The following ARHGEF10L variants were observed in gnomAD, a reference collection of about 807,000 sequenced individuals.
The protein encoded by ARHGEF10L is rho guanine nucleotide exchange factor 10-like protein.
ARHGEF10L carries 69 observed loss-of-function variants against 141.2 expected under a neutral mutation model. That is an observed-to-expected ratio of 0.49 (90% CI 0.40 to 0.60). The LOEUF (loss-of-function observed/expected upper bound fraction) is 0.60. ARHGEF10L is among the 20% of genes least tolerant of loss of function. ARHGEF10L has a pLI of 0.00. For missense variants in ARHGEF10L, 1,482 were observed against 1,734.3 expected (o/e 0.85, Z 2.58); for synonymous variants, 711 against 718.5 (o/e 0.99, Z 0.17).
chr1:17,591,701 C>A (rs900486170), intron 4 of ARHGEF10L, among the ~76,000 whole-genome samples: 2 of 151,796 alleles, frequency 1.3e-5, no homozygotes, highest in Non-Finnish European at 2.9e-5. Context: ...CGTGAGCCAC[C>A]GCGCCTGGCC....
intron 18 of ARHGEF10L, among the ~76,000 whole-genome samples, chr1:17,635,465 G>A (rs1432486263): frequency 6.6e-6 from 1 of 152,086 alleles, no homozygotes; most frequent in Non-Finnish European, 1.5e-5. Context: ...ACCTCCCTCT[G>A]CCCCTTCTCT....
intron 9 of ARHGEF10L, chr1:17,618,421 C>T: frequency 3.3e-6 from 5 of 1,533,294 alleles, no homozygotes; most frequent in Non-Finnish European, 4.4e-6. Context: ...CGGAGTGATG[C>T]CCGGGGCGTG....
At chr1:17,691,248 G>A (rs1389321061) in intron 27 of ARHGEF10L, 1 of 392,832 alleles carries the variant, frequency 2.5e-6, no homozygotes, top group Non-Finnish European at 4.9e-6. Flanking sequence ...TTCACCATTA[G>A]AATTTTTTTT....
chr1:17,598,582 AC>A (rs982003261), intron 4 of ARHGEF10L, among the ~76,000 whole-genome samples: 3 of 152,150 alleles, frequency 2.0e-5, no homozygotes, highest in African/African-American at 7.2e-5. Context: ...ACTAATCCCA[AC>A]CATGGGGGCT....
chr1:17,600,117 T>A (rs1484064095), intron 4 of ARHGEF10L, among the ~76,000 whole-genome samples: 1 of 152,206 alleles, frequency 6.6e-6, no homozygotes, highest in Non-Finnish European at 1.5e-5. Flanking sequence ...CAGAGTGATC[T>A]TGGGCAGGTT....
At chr1:17,551,532 T>C (rs1282730202) in intron 1 of ARHGEF10L, among the ~76,000 whole-genome samples, 4 of 152,134 alleles carry the variant, frequency 2.6e-5, no homozygotes, top group Admixed American at 2.6e-4. Context: ...GGGCTTGTAC[T>C]TTATCTTGTG....
intron 26 of ARHGEF10L, among the ~76,000 whole-genome samples, chr1:17,669,044 G>T (rs1316663733): frequency 1.3e-5 from 2 of 152,228 alleles, no homozygotes; most frequent in Admixed American, 6.5e-5. Flanking sequence ...TGTGCCTAGG[G>T]CTCAGCATCT....
At chr1:17,685,794 G>T (rs1049158435) in intron 26 of ARHGEF10L, among the ~76,000 whole-genome samples, 1 of 152,198 alleles carries the variant, frequency 6.6e-6, no homozygotes, top group Non-Finnish European at 1.5e-5. Flanking sequence ...TCATAGCAGC[G>T]TGTACTTACA....
chr1:17,591,643 C>T (rs2079555386), intron 4 of ARHGEF10L, among the ~76,000 whole-genome samples: 1 of 152,074 alleles, frequency 6.6e-6, no homozygotes, highest in Non-Finnish European at 1.5e-5. Context: ...AGCTCCTGAC[C>T]TCAGGTGATC....
At chr1:17,631,475 T>G (rs953292169) in intron 15 of ARHGEF10L, among the ~76,000 whole-genome samples, 3 of 152,166 alleles carry the variant, frequency 2.0e-5, no homozygotes, top group African/African-American at 7.2e-5. Flanking sequence ...TGAGGCCACC[T>G]AAGAGGCGAG....
intron 4 of ARHGEF10L, among the ~76,000 whole-genome samples, chr1:17,599,694 G>A (rs2080457464): frequency 6.6e-6 from 1 of 152,106 alleles, no homozygotes; most frequent in Non-Finnish European, 1.5e-5. Context: ...TTTACTTCCT[G>A]TCATTGGTGG....
chr1:17,639,156 C>T lies in ARHGEF10L; in HGVS notation c.2171+467C>T, dbSNP rs960906100. Among the ~76,000 whole-genome samples the T allele has an allele frequency of 1.3e-5, 2 of 152,318 alleles. No homozygotes were observed. Among genetic ancestry groups the T allele is most frequent in the South Asian group, 4.1e-4 (2 of 4,822 alleles). On this transcript the variant is annotated intron_variant, in intron 20 of 28. Coordinates refer to ENST00000361221, the MANE Select transcript of ARHGEF10L (RefSeq NM_018125.4). This position sits in a 1 kb window ranked among gnomAD's most constrained non-coding sequence, Gnocchi z 4.3. Reference sequence around the variant, plus strand: ...GGAACTGATGACAGCCATAGCTGCTCGGCCTGGCAGAGACAGGGAACGGGA... The same window carrying T: ...GGAACTGATGACAGCCATAGCTGCTTGGCCTGGCAGAGACAGGGAACGGGA...
chr1:17,626,039 C>T lies in ARHGEF10L; in HGVS notation c.1401C>T (p.Leu467=). 4.3e-6 allele frequency: 7 copies of T among 1,613,918 alleles called. No individual in the cohort carries two copies. Among genetic ancestry groups the T allele is most frequent in the Non-Finnish European group, 5.9e-6 (7 of 1,179,838 alleles). Residue 467 remains leucine (L), a synonymous_variant, in exon 14 of 29, where the codon CTC becomes CTT. Coordinates refer to ENST00000361221, the MANE Select transcript of ARHGEF10L (RefSeq NM_018125.4). ...KPIQRFPQFI[L]LLQDMLKNTP... ...TCCAGAGGTTCCCACAGTTCATACT[C>T]CTGCTTCAGGTACTGCTCAGGATTC...
At position 17,697,767 on chromosome 1, in the gene ARHGEF10L, TATAA is replaced by T. The variant is rs766846260; in HGVS notation, c.*392_*395del. 5.1e-5 allele frequency: 22 copies of T among 433,814 alleles called. No homozygotes were observed. Among genetic ancestry groups the T allele is most frequent in the Non-Finnish European group, 8.3e-5 (18 of 217,554 alleles). 26.9% of individuals were successfully genotyped at this position (433,814 alleles called of 1,614,324 possible). A position where few individuals can be genotyped will look rare whatever the true frequency, so the allele number is the denominator to read the frequency against. The stretch of plus-strand genomic sequence containing the variant: ...GTGTGTGGGCTGGTGTGTGAATATC[TATAA>T]ATAAGTATATATGGTGTATATTATA... On this transcript the variant is annotated 3_prime_UTR_variant, in exon 29 of 29. Coordinates refer to ENST00000361221, the MANE Select transcript of ARHGEF10L (RefSeq NM_018125.4). This position sits in a 1 kb window ranked among gnomAD's most constrained non-coding sequence, Gnocchi z 4.8.
chr1:17,633,247 G>C (rs1296225977), intron 16 of ARHGEF10L, among the ~76,000 whole-genome samples: 1 of 152,154 alleles, frequency 6.6e-6, no homozygotes, highest in Non-Finnish European at 1.5e-5. Flanking sequence ...GTCCTGCAGG[G>C]GACCCTGTAT....
chr1:17,570,478 G>C (rs11588659), intron 1 of ARHGEF10L, among the ~76,000 whole-genome samples: 1 of 152,028 alleles, frequency 6.6e-6, no homozygotes, highest in Non-Finnish European at 1.5e-5. Flanking sequence ...GGCATTCAGG[G>C]AGCTGGAAGG....
chr1:17,568,867 G>T lies in ARHGEF10L; in HGVS notation c.-43-11686G>T, dbSNP rs187882851. Among the ~76,000 whole-genome samples the T allele has an allele frequency of 8.3e-4, 126 of 152,238 alleles. 1 individual carries two copies. In the Middle Eastern group the frequency reaches 0.041, roughly 49 times the overall value. ...AGGACTCAGGGCAAATCCTTTTAAT[G>T]ATTGAAGCCATCCCTCCCTGCTCTC... On this transcript the variant is annotated intron_variant, in intron 1 of 28. Transcript: ENST00000361221.
chr1:17,588,509 G>T, intron 4 of ARHGEF10L, 30 bp downstream of exon 4: 3 of 1,613,802 alleles, frequency 1.9e-6, no homozygotes, highest in Non-Finnish European at 2.5e-6. Flanking sequence ...TTGCTTTGGC[G>T]GTTGGAAACA....
At position 17,616,174 on chromosome 1, in the gene ARHGEF10L, C is replaced by T; in HGVS notation, c.807C>T (p.Val269=). The change falls in exon 9 of 29, where the codon GTC becomes GTT. Residue 269 remains valine, a synonymous_variant. Coordinates refer to ENST00000361221, the MANE Select transcript of ARHGEF10L (RefSeq NM_018125.4). ...CACGGATGGCCGTGATGCGCAAAGT[C>T]TCCTTCCTGCACAGGAAGGACGTCC... ...EKTRMAVMRK[V]SFLHRKDVLG... 1.2e-6 allele frequency: 2 copies of T among 1,613,644 alleles called. No homozygotes were observed. The highest frequency in any genetic ancestry group is 1.7e-6 in the Non-Finnish European group (2 of 1,179,946).
Sources: gnomAD v4.1 joint callset for allele counts (sites outside exome capture counted in the v4.1 genomes callset) on GRCh38, gnomAD v4.1.1 for gene constraint, Gnocchi (gnomAD v3.1) non-coding constraint, MANE v1.5 for transcripts, NCBI Gene and HGNC (gene_info 2026-07-23, HGNC 2026-07-21) for gene names.